The following DTNA variants were observed in gnomAD, a reference collection of about 807,000 sequenced individuals.
DTNA encodes the protein dystrobrevin alpha.
Under a neutral mutation model 100.7 loss-of-function variants are expected in DTNA, and 43 were observed. The ratio of observed to expected loss-of-function variants is 0.43; its 90% CI spans 0.33 to 0.55. The LOEUF is 0.55. DTNA is among the 20% of genes least tolerant of loss of function. The pLI, the probability that DTNA is intolerant of heterozygous loss-of-function variation, is 0.04. For synonymous variants in DTNA, 349 were observed against 347.9 expected (o/e 1.00, Z -0.04); for missense variants, 798 against 953.9 (o/e 0.84, Z 2.15).
At chr18:34,803,636 C>T (rs1032943728) in intron 4 of DTNA, among the ~76,000 whole-genome samples, 1 of 152,074 alleles carries the variant, frequency 6.6e-6, no homozygotes, top group Non-Finnish European at 1.5e-5. Context: ...TCTTCCATAC[C>T]TTGTAGACTT....
At chr18:34,493,712 G>T (rs564549088) in intron 1 of DTNA, among the ~76,000 whole-genome samples, 26 of 149,144 alleles carry the variant, frequency 1.7e-4, no homozygotes, top group African/African-American at 5.6e-4. Context: ...GACCGCAGCC[G>T]CCCACGGCGC....
chr18:34,819,810 G>A (rs2095667856), intron 8 of DTNA, among the ~76,000 whole-genome samples: 1 of 151,770 alleles, frequency 6.6e-6, no homozygotes. Context: ...CTTGAGCAAT[G>A]CTCTTATTAC....
rs556940360 is a variant in DTNA, at chr18:34,693,618, A to T, written c.-1-62358A>T. ...TTTTAAATATAATAAATAGAAGTAG[A>T]TTTATGATTCATCAAGTATTAATTG... On this transcript the variant is annotated intron_variant, in intron 1 of 19. Transcript: ENST00000283365. 2.6e-5 allele frequency among the ~76,000 whole-genome samples: 4 copies of T among 152,348 alleles called. No homozygotes were observed. The South Asian group carries it at 6.2e-4, about 24-fold the overall frequency.
intron 15 of DTNA, among the ~76,000 whole-genome samples, chr18:34,852,462 A>G (rs1303331417): frequency 1.3e-5 from 2 of 152,092 alleles, no homozygotes; most frequent in Non-Finnish European, 2.9e-5. Flanking sequence ...CCTCCACAGC[A>G]TACACCCCAA....
At chr18:34,869,747 C>G (rs1457543006) in intron 17 of DTNA, among the ~76,000 whole-genome samples, 1 of 152,204 alleles carries the variant, frequency 6.6e-6, no homozygotes, top group East Asian at 1.9e-4. Flanking sequence ...TAAGGCCGTG[C>G]ACGGTGGCTC....
Position 34,848,403 on chromosome 18 carries a change from G to C in DTNA, c.1434+20G>C. ...TCGTCTGTAAGTAGTTGGAGTAAAA[G>C]GATTCGTCTGTTGGCATCTGGGATC... On this transcript the variant is annotated intron_variant, in intron 14 of 22. Coordinates refer to ENST00000444659, the MANE Select transcript of DTNA (RefSeq NM_001386795.1). The C allele has an allele frequency of 1.2e-6, 2 of 1,613,032 alleles. No homozygotes were observed. The highest frequency in any genetic ancestry group is 3.3e-5 in the Admixed American group (2 of 59,976).
chr18:34,765,290 G>A lies in DTNA; in HGVS notation c.68-671G>A, dbSNP rs181916124. On this transcript the variant is annotated intron_variant, in intron 2 of 22. Transcript: ENST00000444659. ...TGGAAGCCACAGTAAAAGAAAGGTT[G>A]TTTTAGAAAGGCATGTCTTCCTCTG... 1.2e-3 allele frequency among the ~76,000 whole-genome samples: 186 copies of A among 152,262 alleles called. 1 individual carries two copies. Among genetic ancestry groups the A allele is most frequent in the African/African-American group, 4.4e-3 (181 of 41,570 alleles).
intron 13 of DTNA, among the ~76,000 whole-genome samples, chr18:34,847,634 C>T (rs1286093840): frequency 6.6e-6 from 1 of 152,160 alleles, no homozygotes; most frequent in Non-Finnish European, 1.5e-5. Context: ...TTGGGTTTCT[C>T]ATCACCTAGG....
At chr18:34,729,604 A>G (rs188057086) in intron 1 of DTNA, among the ~76,000 whole-genome samples, 1 of 152,306 alleles carries the variant, frequency 6.6e-6, no homozygotes, top group Non-Finnish European at 1.5e-5. Context: ...AAATAAACTA[A>G]AATAATTTAA....
At chr18:34,675,963 A>G (rs1459083885) in intron 1 of DTNA, among the ~76,000 whole-genome samples, 1 of 152,200 alleles carries the variant, frequency 6.6e-6, no homozygotes, top group African/African-American at 2.4e-5. Flanking sequence ...GAATATATCA[A>G]AATAAACAAT....
chr18:34,854,115 T>C (rs188806356), intron 15 of DTNA, among the ~76,000 whole-genome samples: 1 of 152,264 alleles, frequency 6.6e-6, no homozygotes, highest in Non-Finnish European at 1.5e-5. Context: ...GGAATGCTTG[T>C]GTGAGTATTG....
intron 1 of DTNA, among the ~76,000 whole-genome samples, chr18:34,532,323 G>C (rs190513560): frequency 6.6e-6 from 1 of 152,224 alleles, no homozygotes; most frequent in Admixed American, 6.5e-5. Flanking sequence ...TAGGCTGAGA[G>C]AAGTAAATGA....
At chr18:34,738,275 G>A (rs985092301) in intron 1 of DTNA, among the ~76,000 whole-genome samples, 2 of 152,086 alleles carry the variant, frequency 1.3e-5, no homozygotes, top group Non-Finnish European at 1.5e-5. Context: ...AAGCATCTTA[G>A]TTGACCCCAG....
At chr18:34,755,498 G>A (rs1052980088) in intron 1 of DTNA, 3 of 172,408 alleles carry the variant, frequency 1.7e-5, no homozygotes, top group African/African-American at 7.2e-5. Context: ...AGGGACAACT[G>A]GCAACAGGAT....
At chr18:34,504,975 T>G (rs1255376719) in intron 1 of DTNA, among the ~76,000 whole-genome samples, 3 of 152,190 alleles carry the variant, frequency 2.0e-5, no homozygotes, top group African/African-American at 4.8e-5. Flanking sequence ...TTTTAGACCT[T>G]TTGTTATTGT....
At chr18:34,872,878 C>T (rs1249463135) in intron 17 of DTNA, among the ~76,000 whole-genome samples, 2 of 152,200 alleles carry the variant, frequency 1.3e-5, no homozygotes, top group Admixed American at 6.5e-5. Context: ...GCCCACAGTC[C>T]TTAGACTCAG....
intron 1 of DTNA, among the ~76,000 whole-genome samples, chr18:34,518,185 T>C (rs1005995466): frequency 9.2e-5 from 14 of 152,210 alleles, no homozygotes; most frequent in African/African-American, 2.9e-4. Flanking sequence ...TGACTAACGA[T>C]GTTGAACATC....
intron 17 of DTNA, chr18:34,866,832 AC>A: frequency 2.0e-6 from 2 of 1,014,094 alleles, no homozygotes; most frequent in Non-Finnish European, 2.4e-6. Context: ...TTTCCTTAGC[AC>A]CAGAGCCTTT....
chr18:34,785,396 G>A (rs956314182), intron 3 of DTNA, among the ~76,000 whole-genome samples: 1 of 152,154 alleles, frequency 6.6e-6, no homozygotes, highest in Non-Finnish European at 1.5e-5. Flanking sequence ...AAGAATTTTT[G>A]TGAGTGGAAA....
Sources: gnomAD v4.1 joint callset for allele counts (sites outside exome capture counted in the v4.1 genomes callset) on GRCh38, gnomAD v4.1.1 for gene constraint, MANE v1.5 for transcripts, NCBI Gene and HGNC (gene_info 2026-07-23, HGNC 2026-07-21) for gene names.